The following NME9 variants were observed in gnomAD, a reference collection of about 807,000 sequenced individuals.
The protein encoded by NME9 is thioredoxin domain-containing protein 6.
A neutral mutation model predicts 44.4 loss-of-function variants in NME9; 48 were observed. The ratio of observed to expected loss-of-function variants is 1.08; its 90% CI spans 0.86 to 1.37. The LOEUF (loss-of-function observed/expected upper bound fraction) is 1.37. Among genes scored for constraint, NME9 ranks in the 40% most tolerant of loss-of-function variants. The probability of loss-of-function intolerance (pLI) is 0.00; values close to 1 mark genes in which losing one functional copy is unlikely to be tolerated. For synonymous variants in NME9, 139 were observed against 147.1 expected (o/e 0.94, Z 0.40); for missense variants, 325 against 405.2 (o/e 0.80, Z 1.70).
chr3:138,290,386 A>G (rs564568243), intron 8 of NME9, among the ~76,000 whole-genome samples: 2 of 152,326 alleles, frequency 1.3e-5, no homozygotes, highest in South Asian at 2.1e-4. Context: ...AGAGAGTCCA[A>G]GCATGAGCGG....
rs534470304 is a variant in NME9, at chr3:138,275,279, C to T, written c.746-12693G>A. Among the ~76,000 whole-genome samples, 23 of 152,262 alleles carry T rather than the reference C, an allele frequency of 1.5e-4. No individual in the cohort carries two copies. In the East Asian group the frequency reaches 2.7e-3, roughly 18 times the overall value. ...CTCTTTCAAAATTCATTAAGCTGGACGGGTACAGTGGCTCATGCCTGTAAT... is the reference window on the plus strand; with the variant it reads ...CTCTTTCAAAATTCATTAAGCTGGATGGGTACAGTGGCTCATGCCTGTAAT... On this transcript the variant is annotated intron_variant, in intron 8 of 8. Transcript: ENST00000317876.
At chr3:138,261,624 T>C (rs1386826582) in exon 9 of NME9, 3 of 152,276 alleles carry the variant, frequency 2.0e-5, no homozygotes, top group Admixed American at 2.0e-4. Context: ...TATATGCCCA[T>C]TTAAAGATGG....
intron 10 of NME9, chr3:138,303,235 T>TA (rs946653347): frequency 2.7e-5 from 9 of 329,002 alleles, no homozygotes; most frequent in African/African-American, 1.8e-4. Flanking sequence ...GAAATGCAAA[T>TA]AAAGTACTTT....
chr3:138,274,654 G>A (rs1174835185), intron 8 of NME9: 1 of 752,056 alleles, frequency 1.3e-6, no homozygotes, highest in Non-Finnish European at 2.2e-6. Context: ...GCTGAGATGG[G>A]AGATGCTCTA....
Position 138,306,034 on chromosome 3 carries a change from C to G in NME9, c.606G>C (p.Val202=), listed in dbSNP as rs372502493. 35 of 1,613,552 alleles carry G rather than the reference C, an allele frequency of 2.2e-5. No homozygotes were observed. Among genetic ancestry groups the G allele is most frequent in the Non-Finnish European group, 3.0e-5 (35 of 1,179,604 alleles). ...NEERTMTEAE[V]RLFYQHKAGE... ...CAGCTTTGTGTTGGTAGAAAAGTCG[C>G]ACTTCTGCCTCTGTCATGGTTCTCT... The change falls in exon 8 of 11, where the codon GTG becomes GTC. Residue 202 remains valine (V), a synonymous_variant. Coordinates refer to ENST00000333911, the MANE Select transcript of NME9 (RefSeq NM_001349018.2).
At chr3:138,329,262 G>T in intron 1 of NME9, 41 bp downstream of exon 1, 1 of 1,513,860 alleles carries the variant, frequency 6.6e-7, no homozygotes, top group Non-Finnish European at 8.9e-7. Flanking sequence ...TCTTCCCCGA[G>T]CCCAACCCAG....
intron 3 of NME9, among the ~76,000 whole-genome samples, 179 bp from the exon 4 acceptor site, chr3:138,318,398 ACT>A (rs776938717): frequency 7.9e-5 from 12 of 151,784 alleles, no homozygotes; most frequent in Non-Finnish European, 1.2e-4. Flanking sequence ...GCGGACATGT[ACT>A]CTCTTGAAGA....
chr3:138,277,746 C>T (rs998835669), intron 8 of NME9, among the ~76,000 whole-genome samples: 7 of 152,176 alleles, frequency 4.6e-5, no homozygotes, highest in Non-Finnish European at 7.4e-5. Context: ...CAAAGTTGTA[C>T]ATATACGTGC....
intron 8 of NME9, among the ~76,000 whole-genome samples, chr3:138,280,854 T>C (rs975088477): frequency 6.6e-6 from 1 of 152,058 alleles, no homozygotes; most frequent in Admixed American, 6.5e-5. Flanking sequence ...CCTCAAACTC[T>C]TGACCTCAAG....
chr3:138,316,791 T>C (rs1042330790), intron 4 of NME9, among the ~76,000 whole-genome samples: 1 of 152,128 alleles, frequency 6.6e-6, no homozygotes, highest in Non-Finnish European at 1.5e-5. Context: ...ATTTTTGTAT[T>C]TTTAGCAGAG....
intron 8 of NME9, among the ~76,000 whole-genome samples, chr3:138,292,413 C>A (rs919327075): frequency 6.6e-6 from 1 of 152,166 alleles, no homozygotes; most frequent in Non-Finnish European, 1.5e-5. Flanking sequence ...AATGGAGGCA[C>A]AGAGACCAGT....
In NME9 at chr3:138,306,468, C is replaced by T. The variant is rs1257603135; in HGVS notation, c.473G>A (p.Arg158Lys). ...GEDEDMVSSE[R>K]TCTLAIIKPD... ...TTTAATGATGGCCAAGGTACAGGTC[C>T]TCTCTGATGAAACTAAGCCAAAAAA... is the stretch of plus-strand genomic sequence containing the variant. The change falls in exon 7 of 11, where the codon AGG becomes AAG. Residue 158 changes from arginine (R) to lysine (K), a missense_variant. Physicochemically the swap from Arg to Lys is conservative, Grantham distance 26 (BLOSUM62 2). Coordinates refer to ENST00000333911, the MANE Select transcript of NME9 (RefSeq NM_001349018.2). 1.2e-6 allele frequency: 2 copies of T among 1,607,448 alleles called. No homozygotes were observed. Among genetic ancestry groups the T allele is most frequent in the Non-Finnish European group, 1.7e-6 (2 of 1,177,410 alleles).
intron 10 of NME9, 147 bp downstream of exon 10, chr3:138,303,360 A>G (rs2051978232): frequency 1.8e-6 from 1 of 566,404 alleles, no homozygotes; most frequent in Admixed American, 2.8e-5. Flanking sequence ...ATCAAGTTAT[A>G]TAATGACCTG....
At chr3:138,320,228 C>T (rs550713995) in intron 2 of NME9, among the ~76,000 whole-genome samples, 2 of 152,258 alleles carry the variant, frequency 1.3e-5, no homozygotes, top group Non-Finnish European at 2.9e-5. Context: ...ACCATGTGAT[C>T]AACAGGAAGC....
At chr3:138,327,285 T>C (rs2108471027) in intron 1 of NME9, among the ~76,000 whole-genome samples, 1 of 152,198 alleles carries the variant, frequency 6.6e-6, no homozygotes, top group Admixed American at 6.5e-5. Flanking sequence ...ATAAGAGAGT[T>C]GGACTGACAT....
Position 138,268,456 on chromosome 3 carries a change from C to G in NME9, c.746-5870G>C, listed in dbSNP as rs559042627. ...AGCTGGTGTACCACCGTTAATCATC[C>G]TTAACTGCTCTTATATTGCTCCAGA... On this transcript the variant is annotated intron_variant, in intron 8 of 8. Transcript: ENST00000317876. Among the ~76,000 whole-genome samples the G allele has an allele frequency of 2.0e-5, 3 of 152,226 alleles. No individual in the cohort carries two copies. In the East Asian group the frequency reaches 5.8e-4, roughly 29 times the overall value.
chr3:138,269,744 A>C (rs1008476418), intron 8 of NME9, among the ~76,000 whole-genome samples: 1 of 152,066 alleles, frequency 6.6e-6, no homozygotes, highest in African/African-American at 2.4e-5. Context: ...TGTACAGATA[A>C]CTAGAATGTC....
At chr3:138,318,248 C>G (rs777556957) in intron 3 of NME9, 29 bp from the exon 4 acceptor site, 3 of 1,502,538 alleles carry the variant, frequency 2.0e-6, no homozygotes, top group East Asian at 4.5e-5. Flanking sequence ...AGCAGGTACC[C>G]TGGATGCAGG....
intron 8 of NME9, chr3:138,295,959 C>T: frequency 6.5e-7 from 1 of 1,539,652 alleles, no homozygotes; most frequent in Non-Finnish European, 8.9e-7. Context: ...GAACCAGCCT[C>T]ATTTGATTCC....
Sources: allele counts gnomAD v4.1 joint callset (sites outside exome capture counted in the v4.1 genomes callset), GRCh38; gene constraint gnomAD v4.1.1; transcripts MANE v1.5; gene names NCBI Gene and HGNC (gene_info 2026-07-23, HGNC 2026-07-21).